RHOA: variants seen among roughly 807,000 people sequenced by gnomAD.
The protein encoded by RHOA is transforming protein RhoA.
A neutral mutation model predicts 17.5 loss-of-function variants in RHOA; 3 were observed. That is an observed-to-expected ratio of 0.17 (90% CI 0.08 to 0.44). The LOEUF (loss-of-function observed/expected upper bound fraction) is 0.44. Among genes scored for constraint, RHOA ranks in the 20% least tolerant of loss-of-function variants. RHOA has a pLI of 0.99. For synonymous variants in RHOA, 98 were observed against 88.4 expected, an observed-to-expected ratio of 1.11 and a Z score of -0.61; for missense variants, 56 against 242.3, an observed-to-expected ratio of 0.23 and a Z score of 5.10.
Position 49,403,329 on chromosome 3 carries a change from G to A in RHOA, c.-3+8491C>T, listed in dbSNP as rs368164729. Among the ~76,000 whole-genome samples the A allele has an allele frequency of 1.6e-4, 25 of 152,224 alleles. No individual in the cohort carries two copies. In the East Asian group the frequency reaches 2.5e-3, roughly 15 times the overall value. On this transcript the variant is annotated intron_variant, in intron 1 of 4. Coordinates refer to ENST00000418115, the MANE Select transcript of RHOA (RefSeq NM_001664.4). ...CTCCTAGATGACAGAATAAGACTCCGTCTCAAAAATAAAAATAAAAATTTA... is the reference window on the plus strand; with the variant it reads ...CTCCTAGATGACAGAATAAGACTCCATCTCAAAAATAAAAATAAAAATTTA...
chr3:49,382,845 AG>A (rs2048338615), intron 1 of RHOA, among the ~76,000 whole-genome samples: 1 of 152,048 alleles, frequency 6.6e-6, no homozygotes, highest in African/African-American at 2.4e-5. Flanking sequence ...ACCTGAGGTC[AG>A]GAGTTCGAGA....
At chr3:49,384,197 C>G (rs2048361441) in intron 1 of RHOA, among the ~76,000 whole-genome samples, 2 of 152,116 alleles carry the variant, frequency 1.3e-5, no homozygotes, top group Admixed American at 1.3e-4. Flanking sequence ...TGCGGCAATA[C>G]ACAGAAGTTG....
chr3:49,396,419 C>CA (rs1000024406), intron 1 of RHOA, among the ~76,000 whole-genome samples: 4 of 151,858 alleles, frequency 2.6e-5, no homozygotes, highest in African/African-American at 9.7e-5. Context: ...ACTAAAAATA[C>CA]AAAAAATTAG....
rs1316048321 is a variant in RHOA, at chr3:49,387,094, GCAA to G, written c.-2-11506_-2-11504del. The stretch of plus-strand genomic sequence containing the variant: ...ATCACGCCATTCCACTCCAGCCTGG[GCAA>G]CAAGAGAGAAACTCCGTCTCAAAAA... On this transcript the variant is annotated intron_variant, in intron 1 of 4. Coordinates refer to ENST00000418115, the MANE Select transcript of RHOA (RefSeq NM_001664.4). Among the ~76,000 whole-genome samples, 14 of 104,888 alleles carry G rather than the reference GCAA, an allele frequency of 1.3e-4. No homozygotes were observed. The Admixed American group carries it at 1.9e-3, about 14-fold the overall frequency. The allele number at this position is 104,888 out of a possible 152,430, so 68.8% of individuals were successfully genotyped here. A position where few individuals can be genotyped will look rare whatever the true frequency, so the allele number is the denominator to read the frequency against.
chr3:49,405,912 T>C (rs1421676988), intron 1 of RHOA, among the ~76,000 whole-genome samples: 2 of 152,198 alleles, frequency 1.3e-5, no homozygotes, highest in African/African-American at 4.8e-5. Flanking sequence ...TTCGAACTCC[T>C]GACCTCAGGT....
At chr3:49,362,406 C>T (rs2107829636) in intron 4 of RHOA, 90 bp downstream of exon 4, 2 of 1,402,712 alleles carry the variant, frequency 1.4e-6, no homozygotes, top group Non-Finnish European at 9.5e-7. Flanking sequence ...AACAACCTGG[C>T]CTGTGAAGGT....
chr3:49,372,975 C>A (rs1029000448), intron 2 of RHOA, among the ~76,000 whole-genome samples: 2 of 152,126 alleles, frequency 1.3e-5, no homozygotes, highest in Non-Finnish European at 2.9e-5. Flanking sequence ...AGCAGCTGAT[C>A]TAACCCACAT....
At chr3:49,379,909 G>T (rs1214982739) in intron 1 of RHOA, among the ~76,000 whole-genome samples, 1 of 152,154 alleles carries the variant, frequency 6.6e-6, no homozygotes, top group Admixed American at 6.6e-5. Flanking sequence ...CGCCCCCAGT[G>T]GGGGGAAAAA....
chr3:49,401,360 A>C (rs963798262), intron 1 of RHOA, among the ~76,000 whole-genome samples: 4 of 151,862 alleles, frequency 2.6e-5, no homozygotes, highest in African/African-American at 9.7e-5. Flanking sequence ...CTCTCAAAAA[A>C]ATATGAAAAC....
intron 1 of RHOA, among the ~76,000 whole-genome samples, chr3:49,399,970 C>T (rs1344110683): frequency 1.3e-5 from 2 of 151,934 alleles, no homozygotes; most frequent in African/African-American, 4.8e-5. Flanking sequence ...CCTGTAATCC[C>T]AGCACGTTGG....
intron 1 of RHOA, among the ~76,000 whole-genome samples, chr3:49,406,993 A>G (rs2048841628): frequency 6.6e-6 from 1 of 151,476 alleles, no homozygotes; most frequent in Non-Finnish European, 1.5e-5. Flanking sequence ...AAATACAAAA[A>G]TTAGTCGGGC....
intron 1 of RHOA, among the ~76,000 whole-genome samples, chr3:49,409,420 C>A (rs888647865): frequency 6.6e-6 from 1 of 151,996 alleles, no homozygotes; most frequent in Non-Finnish European, 1.5e-5. Context: ...TATAAAACTA[C>A]AACTATATGG....
At chr3:49,408,888 G>A (rs2048884316) in intron 1 of RHOA, among the ~76,000 whole-genome samples, 1 of 151,702 alleles carries the variant, frequency 6.6e-6, no homozygotes, top group Non-Finnish European at 1.5e-5. Flanking sequence ...CGCCTCTCGG[G>A]TTCACGCCAT....
chr3:49,372,271 G>A (rs17595772), intron 2 of RHOA, among the ~76,000 whole-genome samples: 66,442 of 151,998 alleles, frequency 0.44, 15,832 homozygotes, highest in East Asian at 0.93. Context: ...ATGCTTGGCT[G>A]AGGCTGAATT....
chr3:49,410,724 T>C (rs2048918440), intron 1 of RHOA, among the ~76,000 whole-genome samples: 1 of 152,226 alleles, frequency 6.6e-6, no homozygotes, highest in African/African-American at 2.4e-5. Context: ...TCTCTCCACA[T>C]ACAACATTTT....
intron 1 of RHOA, among the ~76,000 whole-genome samples, chr3:49,401,284 G>A (rs1435424663): frequency 3.3e-5 from 5 of 152,034 alleles, no homozygotes; most frequent in African/African-American, 4.8e-5. Flanking sequence ...CAGCACTTTG[G>A]GAGGCAGGAG....
intron 1 of RHOA, among the ~76,000 whole-genome samples, chr3:49,409,596 T>C (rs2048898666): frequency 6.6e-6 from 1 of 152,150 alleles, no homozygotes; most frequent in South Asian, 2.1e-4. Flanking sequence ...CTCAGCTCTC[T>C]AAGACAATTA....
At chr3:49,383,844 A>T (rs562831701) in intron 1 of RHOA, among the ~76,000 whole-genome samples, 1 of 152,206 alleles carries the variant, frequency 6.6e-6, no homozygotes, top group South Asian at 2.1e-4. Context: ...AGCCTGGCAA[A>T]CATGGCAAAA....
At chr3:49,398,166 C>T (rs892231231) in intron 1 of RHOA, among the ~76,000 whole-genome samples, 2 of 151,484 alleles carry the variant, frequency 1.3e-5, no homozygotes, top group Non-Finnish European at 2.9e-5. Context: ...TTTGAGACCA[C>T]CCCGGCCAAC....
Sources: gnomAD v4.1 joint callset for allele counts (sites outside exome capture counted in the v4.1 genomes callset) on GRCh38, gnomAD v4.1.1 for gene constraint, MANE v1.5 for transcripts, NCBI Gene and HGNC (gene_info 2026-07-23, HGNC 2026-07-21) for gene names.